Variants in EPHA3 observed in about 807,000 individuals in gnomAD.
EPHA3 encodes the protein EPH receptor A3.
In EPHA3, 42 loss-of-function variants were observed where a neutral mutation model predicts 107.1. That is an observed-to-expected ratio of 0.39 (90% CI 0.31 to 0.51). The LOEUF is 0.51. EPHA3 is among the 20% of genes least tolerant of loss of function. The pLI is 0.78. For synonymous variants in EPHA3, 461 were observed against 424.8 expected, an observed-to-expected ratio of 1.09 and a Z score of -1.05; for missense variants, 1,183 against 1,211.2, an observed-to-expected ratio of 0.98 and a Z score of 0.35.
chr3:89,188,025 G>A (rs1169648625), intron 2 of EPHA3, among the ~76,000 whole-genome samples: 1 of 151,780 alleles, frequency 6.6e-6, no homozygotes, highest in Non-Finnish European at 1.5e-5. Context: ...GATTTTAATG[G>A]GCAATATATA....
At chr3:89,224,001 T>C (rs1704443920) in intron 3 of EPHA3, among the ~76,000 whole-genome samples, 1 of 152,174 alleles carries the variant, frequency 6.6e-6, no homozygotes, top group South Asian at 2.1e-4. Flanking sequence ...AGCTTTTGTG[T>C]GAATAATGAT....
At chr3:89,240,242 T>A (rs1339727564) in intron 3 of EPHA3, among the ~76,000 whole-genome samples, 1 of 152,220 alleles carries the variant, frequency 6.6e-6, no homozygotes, top group Admixed American at 6.5e-5. Context: ...TGTGTTTGCT[T>A]GTGAATTAGA....
At chr3:89,395,985 TG>T in intron 6 of EPHA3, 24 bp downstream of exon 6, 1 of 1,612,078 alleles carries the variant, frequency 6.2e-7, no homozygotes, top group Non-Finnish European at 8.5e-7. Context: ...GTTTAAGGGT[TG>T]GGCTGTGTAG....
At chr3:89,313,438 G>A (rs1261284746) in intron 3 of EPHA3, among the ~76,000 whole-genome samples, 1 of 151,466 alleles carries the variant, frequency 6.6e-6, no homozygotes, top group Non-Finnish European at 1.5e-5. Context: ...TTTTGTTTTT[G>A]TTACACTGTT....
At chr3:89,407,898 G>A (rs1277061469) in intron 8 of EPHA3, among the ~76,000 whole-genome samples, 169 bp from the exon 9 acceptor site, 1 of 152,166 alleles carries the variant, frequency 6.6e-6, no homozygotes, top group Admixed American at 6.6e-5. Flanking sequence ...TTCCCAGAGA[G>A]AGGGGCTTTC....
intron 5 of EPHA3, among the ~76,000 whole-genome samples, chr3:89,380,959 C>G (rs1708491289): frequency 6.6e-6 from 1 of 151,468 alleles, no homozygotes; most frequent in Non-Finnish European, 1.5e-5. Flanking sequence ...TTAACCAAAG[C>G]TGCTATAGGC....
chr3:89,430,054 G>A (rs189056590), intron 12 of EPHA3, among the ~76,000 whole-genome samples: 15 of 152,152 alleles, frequency 9.9e-5, no homozygotes, highest in African/African-American at 2.9e-4. Flanking sequence ...ATGAGCCACC[G>A]CACCTGGCCA....
intron 7 of EPHA3, among the ~76,000 whole-genome samples, chr3:89,406,492 A>G (rs1318266313): frequency 2.0e-5 from 3 of 152,174 alleles, no homozygotes; most frequent in Non-Finnish European, 2.9e-5. Context: ...TGCCCATTCT[A>G]GCATAAAATC....
intron 2 of EPHA3, among the ~76,000 whole-genome samples, chr3:89,163,617 T>C (rs1704996608): frequency 6.6e-6 from 1 of 152,152 alleles, no homozygotes; most frequent in Non-Finnish European, 1.5e-5. Context: ...ACTTTGTAAA[T>C]AAACTAAATG....
intron 11 of EPHA3, among the ~76,000 whole-genome samples, chr3:89,426,080 T>A (rs1415210054): frequency 1.3e-5 from 2 of 151,694 alleles, no homozygotes; most frequent in African/African-American, 4.8e-5. Context: ...AGAACAGTAC[T>A]TTCATTGAGT....
intron 13 of EPHA3, among the ~76,000 whole-genome samples, chr3:89,447,350 G>A (rs1709895061): frequency 6.6e-6 from 1 of 152,098 alleles, no homozygotes. Context: ...CCTGCTGATG[G>A]TGTTTTTCCA....
At position 89,320,506 on chromosome 3, in the gene EPHA3, G is replaced by C. The variant is rs1247469938; in HGVS notation, c.815-20410G>C. ...CAATGTAATCATTGAGCCATCTTGTGTCATCTTCTAATCCTGGGAGATGAG... is the reference window on the plus strand; with the variant it reads ...CAATGTAATCATTGAGCCATCTTGTCTCATCTTCTAATCCTGGGAGATGAG... On this transcript the variant is annotated intron_variant, in intron 3 of 16. Coordinates refer to ENST00000336596, the MANE Select transcript of EPHA3 (RefSeq NM_005233.6). Among the ~76,000 whole-genome samples, 27 of 152,062 alleles carry C rather than the reference G, an allele frequency of 1.8e-4. No individual in the cohort carries two copies. In the East Asian group the frequency reaches 2.7e-3, roughly 15 times the overall value.
At chr3:89,283,857 A>G (rs1482422078) in intron 3 of EPHA3, among the ~76,000 whole-genome samples, 3 of 152,106 alleles carry the variant, frequency 2.0e-5, no homozygotes, top group Admixed American at 6.5e-5. Context: ...TAATTAAACA[A>G]ATGGAATATG....
intron 3 of EPHA3, among the ~76,000 whole-genome samples, chr3:89,287,703 A>G (rs1706121430): frequency 6.6e-6 from 1 of 152,146 alleles, no homozygotes; most frequent in Non-Finnish European, 1.5e-5. Context: ...TTTTTAGAAG[A>G]AAATTTTAAC....
intron 3 of EPHA3, among the ~76,000 whole-genome samples, chr3:89,268,221 G>T (rs1559625597): frequency 1.3e-5 from 2 of 152,006 alleles, no homozygotes; most frequent in Non-Finnish European, 2.9e-5. Context: ...AGCACAGGGT[G>T]GTGTTTGAGA....
At chr3:89,200,780 C>T (rs760637387) in intron 2 of EPHA3, among the ~76,000 whole-genome samples, 121 of 152,274 alleles carry the variant, frequency 7.9e-4, no homozygotes, top group Non-Finnish European at 1.6e-3. Flanking sequence ...CATGAGTTTT[C>T]CCTGGGTACT....
At chr3:89,297,575 A>G (rs1427507219) in intron 3 of EPHA3, among the ~76,000 whole-genome samples, 2 of 152,172 alleles carry the variant, frequency 1.3e-5, no homozygotes, top group Admixed American at 1.3e-4. Context: ...ATAGTAATGA[A>G]ATCATTTATA....
chr3:89,130,108 T>C (rs1209723982), intron 2 of EPHA3, among the ~76,000 whole-genome samples: 1 of 152,174 alleles, frequency 6.6e-6, no homozygotes, highest in Non-Finnish European at 1.5e-5. Flanking sequence ...TGGCAATGTT[T>C]GAAGACTTTT....
At chr3:89,189,451 G>T (rs901536662) in intron 2 of EPHA3, among the ~76,000 whole-genome samples, 4 of 152,128 alleles carry the variant, frequency 2.6e-5, no homozygotes, top group Non-Finnish European at 5.9e-5. Context: ...AAATTAGCTG[G>T]GCACGGTGGC....
Sources: gnomAD v4.1 joint callset for allele counts (sites outside exome capture counted in the v4.1 genomes callset) on GRCh38, gnomAD v4.1.1 for gene constraint, MANE v1.5 for transcripts, NCBI Gene and HGNC (gene_info 2026-07-23, HGNC 2026-07-21) for gene names.